HARS1: variants seen among roughly 807,000 people sequenced by gnomAD.
HARS1 encodes the protein histidine--tRNA ligase, cytoplasmic.
A neutral mutation model predicts 63.6 loss-of-function variants in HARS1; 45 were observed. The observed-to-expected ratio is 0.71, with a 90% confidence interval of 0.56 to 0.91. The LOEUF is 0.91. Ranked by LOEUF, HARS1 falls within the 40% of genes least tolerant of loss-of-function variation. The pLI is 0.00. For missense variants in HARS1, 508 were observed against 643.2 expected (o/e 0.79, Z 2.27); for synonymous variants, 205 against 247.1 (o/e 0.83, Z 1.60).
chr5:140,679,359 T>C lies in HARS1; in HGVS notation c.397-232A>G, dbSNP rs1254868402. ...CTTTTGTAGTGTTGACTGGACTTTT[T>C]TGAGCATGGCAAGGGGCTGGGCAGG... On this transcript the variant is annotated intron_variant, in intron 4 of 12. Coordinates refer to ENST00000504156, the MANE Select transcript of HARS1 (RefSeq NM_002109.6). The surrounding 1 kb of genome is among the most constrained non-coding windows in gnomAD (Gnocchi z 4.3). 4.2e-6 allele frequency: 2 copies of C among 473,530 alleles called. No homozygotes were observed. Among genetic ancestry groups the C allele is most frequent in the Admixed American group, 3.9e-5 (1 of 25,540 alleles). The allele number at this position is 473,530 out of a possible 1,614,324, so 29.3% of individuals were successfully genotyped here. A position where few individuals can be genotyped will look rare whatever the true frequency, so the allele number is the denominator to read the frequency against.
At chr5:140,677,498 C>T (rs993608042) in intron 7 of HARS1, 78 bp from the exon 8 acceptor site, 1 of 1,240,016 alleles carries the variant, frequency 8.1e-7, no homozygotes, top group African/African-American at 1.5e-5. Context: ...CCTCGGGGAA[C>T]CGTTTTAGAG....
rs1178338775 is a variant in HARS1 at position 140,673,990 on chromosome 5, G to A, written c.*267C>T. ...AACTGGTGCGGGGCCCTGCAGATGG[G>A]ACCATCTCAGGCTGGGTCCTTGTAG... On this transcript the variant is annotated 3_prime_UTR_variant, in exon 13 of 13. Coordinates refer to ENST00000504156, the MANE Select transcript of HARS1 (RefSeq NM_002109.6). 2 of 583,212 alleles carry A rather than the reference G, an allele frequency of 3.4e-6. No homozygotes were observed. The highest frequency in any genetic ancestry group is 1.9e-5 in the African/African-American group (1 of 53,496). The allele number at this position is 583,212 out of a possible 1,614,324, so 36.1% of individuals were successfully genotyped here. A position where few individuals can be genotyped will look rare whatever the true frequency, so the allele number is the denominator to read the frequency against.
At chr5:140,683,769 T>C (rs1758858720) in intron 2 of HARS1, 1 of 153,844 alleles carries the variant, frequency 6.5e-6, no homozygotes, top group Non-Finnish European at 1.4e-5. Context: ...GAGGTGGAGG[T>C]TGCAGTGAGC....
Position 140,679,839 on chromosome 5 carries a change from A to T in HARS1, c.345T>A (p.Tyr115Ter), listed in dbSNP as rs771201777. Residue 115 changes from tyrosine to a stop codon, truncating the protein, a stop_gained, in exon 4 of 13, where the codon TAT becomes TAA. Coordinates refer to ENST00000504156, the MANE Select transcript of HARS1 (RefSeq NM_002109.6). LOFTEE classifies it high-confidence loss of function. This position sits in a 1 kb window ranked among gnomAD's most constrained non-coding sequence, Gnocchi z 4.3. ...GKYGEDSKLI[Y>*]DLKDQGGELL... ...GCTCCCCGCCCTGGTCCTTCAGGTC[A>T]TAGATAAGCTTGGAGTCTTCCCCAT... The T allele has an allele frequency of 1.2e-6, 2 of 1,610,478 alleles. No homozygotes were observed. The highest frequency in any genetic ancestry group is 1.7e-5 in the Admixed American group (1 of 59,988).
intron 3 of HARS1, 82 bp downstream of exon 3, chr5:140,683,018 C>G: frequency 1.6e-5 from 21 of 1,341,894 alleles, no homozygotes; most frequent in Non-Finnish European, 2.0e-5. Flanking sequence ...GCCCTTTGGA[C>G]CCTCACTCTC....
Position 140,673,989 on chromosome 5 carries a change from G to A in HARS1, c.*268C>T. The stretch of plus-strand genomic sequence containing the variant: ...CAACTGGTGCGGGGCCCTGCAGATG[G>A]GACCATCTCAGGCTGGGTCCTTGTA... On this transcript the variant is annotated 3_prime_UTR_variant, in exon 13 of 13. Transcript: ENST00000504156. 1.7e-6 allele frequency: 1 copy of A among 582,854 alleles called. No homozygotes were observed. Among genetic ancestry groups the A allele is most frequent in the Non-Finnish European group, 3.1e-6 (1 of 327,358 alleles). 36.1% of individuals were successfully genotyped at this position (582,854 alleles called of 1,614,324 possible).
chr5:140,675,408 C>CAT, intron 10 of HARS1: 1 of 220,054 alleles, frequency 4.5e-6, no homozygotes. Flanking sequence ...CATGTAGTAC[C>CAT]TTTTTTTTTT....
At chr5:140,690,976 A>G (rs1408954593) in intron 1 of HARS1, 32 bp from the exon 2 acceptor site, 3 of 1,241,972 alleles carry the variant, frequency 2.4e-6, no homozygotes, top group Admixed American at 3.4e-5. Flanking sequence ...TGAGCTATCC[A>G]TCTGTCACTC....
chr5:140,678,959 G>A, intron 5 of HARS1, 43 bp downstream of exon 5: 1 of 1,603,902 alleles, frequency 6.2e-7, no homozygotes, highest in Non-Finnish European at 8.5e-7. Context: ...GCTTGAGAGA[G>A]CCCCAAGTAA....
intron 10 of HARS1, 143 bp from the exon 11 acceptor site, chr5:140,675,276 T>G (rs925910083): frequency 2.5e-5 from 16 of 645,414 alleles, no homozygotes; most frequent in Non-Finnish European, 3.9e-5. Flanking sequence ...ACCTTGGGCA[T>G]AAAGGTAGCT....
intron 2 of HARS1, among the ~76,000 whole-genome samples, chr5:140,689,395 G>T (rs983479363): frequency 2.0e-5 from 3 of 152,074 alleles, no homozygotes; most frequent in South Asian, 2.1e-4. Context: ...CAATGTAAAG[G>T]CTATGTAAAT....
Position 140,677,103 on chromosome 5 carries a change from C to T in HARS1, c.837G>A (p.Leu279=). 6.2e-7 allele frequency: 1 copy of T among 1,614,090 alleles called. No individual in the cohort carries two copies. Among genetic ancestry groups the T allele is most frequent in the African/African-American group, 1.3e-5 (1 of 75,034 alleles). ...DYVQQHGGVS[L]VEQLLQDPKL... is the part of the protein sequence containing the mutation. Reference sequence around the variant, plus strand: ...TAGGATCCTGGAGCAGCTGTTCCACCAGGGATACCCCACCTGGGGAGACAG... The same window carrying T: ...TAGGATCCTGGAGCAGCTGTTCCACTAGGGATACCCCACCTGGGGAGACAG... The change falls in exon 9 of 13, where the codon CTG becomes CTA. Residue 279 remains leucine (L), a synonymous_variant. Coordinates refer to ENST00000504156, the MANE Select transcript of HARS1 (RefSeq NM_002109.6).
rs1236116302 is a variant in HARS1, at chr5:140,679,904, TGTG to T, written c.301-24_301-22del. ...GTTTCCTGGAGAAAACATAAATAAA[TGTG>T]GTCATAATAATAAACATAACAATTT... On this transcript the variant is annotated intron_variant, in intron 3 of 12. Coordinates refer to ENST00000504156, the MANE Select transcript of HARS1 (RefSeq NM_002109.6). The surrounding 1 kb of genome is among the most constrained non-coding windows in gnomAD (Gnocchi z 4.3). The T allele has an allele frequency of 7.7e-7, 1 of 1,295,434 alleles. No individual in the cohort carries two copies. The highest frequency in any genetic ancestry group is 1.1e-6 in the Non-Finnish European group (1 of 893,062). The allele number at this position is 1,295,434 out of a possible 1,614,324, so 80.2% of individuals were successfully genotyped here. A position where few individuals can be genotyped will look rare whatever the true frequency, so the allele number is the denominator to read the frequency against.
At chr5:140,691,167 TC>T (rs1759404463) in intron 1 of HARS1, 47 bp downstream of exon 1, 1 of 1,388,934 alleles carries the variant, frequency 7.2e-7, no homozygotes, top group Admixed American at 1.8e-5. Flanking sequence ...TGGCTTTACG[TC>T]CTCCCAGGCT....
At position 140,675,070 on chromosome 5, in the gene HARS1, GCTT is replaced by G. The variant is rs779289896; in HGVS notation, c.1255_1257del (p.Lys419del). The G allele has an allele frequency of 7.4e-6, 12 of 1,613,446 alleles. No homozygotes were observed. Among genetic ancestry groups the G allele is most frequent in the Admixed American group, 6.7e-5 (4 of 59,994 alleles). On this transcript the variant is annotated inframe_deletion, in exon 11 of 13. Coordinates refer to ENST00000504156, the MANE Select transcript of HARS1 (RefSeq NM_002109.6). ...ACAAGCTTTAGTCTTTCCTCTAGCA[GCTT>G]CTTCTGTGCAGATGCCACAAGCACC...
At chr5:140,682,545 G>C (rs1271440494) in intron 3 of HARS1, among the ~76,000 whole-genome samples, 1 of 152,158 alleles carries the variant, frequency 6.6e-6, no homozygotes, top group Non-Finnish European at 1.5e-5. Flanking sequence ...AATGCAATCT[G>C]GGTTGGCTGG....
intron 2 of HARS1, among the ~76,000 whole-genome samples, chr5:140,689,512 T>C (rs561298393): frequency 1.8e-4 from 28 of 152,348 alleles, no homozygotes; most frequent in African/African-American, 5.5e-4. Context: ...TTGCTCAGGC[T>C]GGTCTCAAGC....
At chr5:140,684,854 G>A (rs1350641775) in intron 2 of HARS1, 1 of 152,114 alleles carries the variant, frequency 6.6e-6, no homozygotes, top group Admixed American at 6.5e-5. Flanking sequence ...TAATATTTTA[G>A]AAAAAGGTAA....
Position 140,683,180 on chromosome 5 carries a change from C to G in HARS1, c.220G>C (p.Glu74Gln). Residue 74 changes from glutamate to glutamine, a missense_variant, in exon 3 of 13, where the codon GAG (glutamate) becomes CAG (glutamine). Glu to Gln is a conservative substitution (Grantham distance 29). Coordinates refer to ENST00000504156, the MANE Select transcript of HARS1 (RefSeq NM_002109.6). ...CGGATGATTACGTCAAACACCTTCT[C>G]GCGAACTGCCATCTGCCGGGGACTA... ...DYSPRQMAVR[E>Q]KVFDVIIRCF... The G allele has an allele frequency of 6.2e-7, 1 of 1,613,864 alleles. No homozygotes were observed. The highest frequency in any genetic ancestry group is 8.5e-7 in the Non-Finnish European group (1 of 1,179,708).
Sources: gnomAD v4.1 joint callset for allele counts (sites outside exome capture counted in the v4.1 genomes callset) on GRCh38, gnomAD v4.1.1 for gene constraint, Gnocchi (gnomAD v3.1) non-coding constraint, MANE v1.5 for transcripts, NCBI Gene and HGNC (gene_info 2026-07-23, HGNC 2026-07-21) for gene names.